NEO1: variants seen among roughly 807,000 people sequenced by gnomAD.
The protein encoded by NEO1 is neogenin 1, also known as neogenin.
A neutral mutation model predicts 159.7 loss-of-function variants in NEO1; 63 were observed. That is an observed-to-expected ratio of 0.39 (90% CI 0.32 to 0.49). The LOEUF is 0.49. Ranked by LOEUF, NEO1 falls within the 20% of genes least tolerant of loss-of-function variation. The probability of loss-of-function intolerance (pLI) is 0.85; values close to 1 mark genes in which losing one functional copy is unlikely to be tolerated. For missense variants in NEO1, 1,615 were observed against 1,831.0 expected, an observed-to-expected ratio of 0.88 and a Z score of 2.15; for synonymous variants, 633 against 662.0, an observed-to-expected ratio of 0.96 and a Z score of 0.67.
intron 5 of NEO1, among the ~76,000 whole-genome samples, chr15:73,174,095 A>G (rs539131356): frequency 4.4e-5 from 2 of 45,040 alleles, no homozygotes; most frequent in East Asian, 1.4e-3. Flanking sequence ...GCGAGACTCC[A>G]TCTCAAAAAA....
chr15:73,110,993 A>C (rs1213870086), intron 1 of NEO1, among the ~76,000 whole-genome samples: 1 of 152,180 alleles, frequency 6.6e-6, no homozygotes, highest in Non-Finnish European at 1.5e-5. Context: ...TTACTGAAAA[A>C]AAAGATAAGA....
intron 1 of NEO1, among the ~76,000 whole-genome samples, chr15:73,081,209 A>G (rs2069027568): frequency 6.6e-6 from 1 of 151,518 alleles, no homozygotes; most frequent in African/African-American, 2.4e-5. Flanking sequence ...ATTTTTTTCT[A>G]CCTTTTCATT....
chr15:73,148,826 T>G (rs1019732480), intron 5 of NEO1, among the ~76,000 whole-genome samples: 1 of 152,000 alleles, frequency 6.6e-6, no homozygotes, highest in African/African-American at 2.4e-5. Context: ...TCTCTTAGGT[T>G]GAAATCATAT....
At chr15:73,161,762 A>G (rs550027770) in intron 5 of NEO1, 2 of 276,120 alleles carry the variant, frequency 7.2e-6, no homozygotes, top group East Asian at 1.9e-4. Context: ...AAAACTGCTT[A>G]AACTATTTTC....
chr15:73,159,877 A>G (rs1365648279), intron 5 of NEO1, among the ~76,000 whole-genome samples: 1 of 152,200 alleles, frequency 6.6e-6, no homozygotes, highest in East Asian at 1.9e-4. Context: ...GTATCAATTT[A>G]TATCATCACC....
intron 5 of NEO1, among the ~76,000 whole-genome samples, chr15:73,155,015 G>T (rs2033673137): frequency 6.9e-6 from 1 of 145,206 alleles, no homozygotes; most frequent in African/African-American, 2.6e-5. Flanking sequence ...TAAAGTCTTT[G>T]TGTTTTTTTT....
chr15:73,280,867 G>A (rs1002188852), intron 22 of NEO1, among the ~76,000 whole-genome samples: 6 of 151,976 alleles, frequency 3.9e-5, no homozygotes, highest in South Asian at 2.1e-4. Flanking sequence ...CAGTTAATCC[G>A]GCGTTGTGGA....
At chr15:73,072,718 G>T (rs2068594142) in intron 1 of NEO1, among the ~76,000 whole-genome samples, 1 of 152,126 alleles carries the variant, frequency 6.6e-6, no homozygotes. Flanking sequence ...GCATGGAGGT[G>T]GGGTTGTGGT....
intron 15 of NEO1, among the ~76,000 whole-genome samples, chr15:73,262,958 A>C (rs1330651500): frequency 1.3e-5 from 2 of 152,146 alleles, no homozygotes; most frequent in Non-Finnish European, 2.9e-5. Flanking sequence ...TATTTTGTGA[A>C]TTACAAAATA....
chr15:73,263,189 A>ATT (rs2040707273), intron 15 of NEO1, among the ~76,000 whole-genome samples: 1 of 126,834 alleles, frequency 7.9e-6, no homozygotes, highest in South Asian at 2.6e-4. Context: ...CTCATAGTTG[A>ATT]CTTTTTTTTT....
chr15:73,231,042 G>T (rs898810200), intron 7 of NEO1, among the ~76,000 whole-genome samples: 4 of 151,734 alleles, frequency 2.6e-5, no homozygotes, highest in African/African-American at 7.3e-5. Flanking sequence ...GGGCTTTTTT[G>T]TTAGATATGT....
chr15:73,283,416 G>A (rs1259732760), intron 23 of NEO1, among the ~76,000 whole-genome samples: 1 of 152,246 alleles, frequency 6.6e-6, no homozygotes, highest in African/African-American at 2.4e-5. Flanking sequence ...CCTTGGGCCT[G>A]AAAGGGCAAG....
intron 28 of NEO1, 85 bp from the exon 29 acceptor site, chr15:73,302,528 A>G: frequency 8.0e-7 from 1 of 1,243,824 alleles, no homozygotes. Flanking sequence ...ACTACTGACC[A>G]CATGAGGCTT....
intron 4 of NEO1, 48 bp from the exon 5 acceptor site, chr15:73,135,843 T>C: frequency 7.0e-7 from 1 of 1,435,800 alleles, no homozygotes; most frequent in South Asian, 1.5e-5. Flanking sequence ...AGGTATTATT[T>C]TCCTAGTACT....
intron 5 of NEO1, among the ~76,000 whole-genome samples, chr15:73,142,002 C>T (rs1340092000): frequency 6.6e-6 from 1 of 152,104 alleles, no homozygotes; most frequent in Non-Finnish European, 1.5e-5. Context: ...AGCTCTGTCT[C>T]TTAGCTTTGT....
At chr15:73,299,002 C>T (rs1018199664) in intron 27 of NEO1, among the ~76,000 whole-genome samples, 1 of 152,148 alleles carries the variant, frequency 6.6e-6, no homozygotes, top group South Asian at 2.1e-4. Flanking sequence ...AAGGCTTGGA[C>T]TCATAGGGTG....
rs2038970997 is a variant in NEO1, at chr15:73,232,640, T to C, written c.1292-3707T>C. On this transcript the variant is annotated intron_variant, in intron 7 of 28. Transcript: ENST00000261908. The stretch of plus-strand genomic sequence containing the variant: ...CATGGCCTTCAGTCAACCTAGGATA[T>C]GTGCAGAGGTTACCAAGCCTTCTCA... Among the ~76,000 whole-genome samples the C allele has an allele frequency of 2.0e-5, 3 of 152,164 alleles. No individual in the cohort carries two copies. The South Asian group carries it at 6.2e-4, about 31-fold the overall frequency.
At chr15:73,225,213 G>A (rs2038509774) in intron 7 of NEO1, among the ~76,000 whole-genome samples, 1 of 152,124 alleles carries the variant, frequency 6.6e-6, no homozygotes, top group African/African-American at 2.4e-5. Flanking sequence ...GGTGGCAGGG[G>A]GGTGAAATGG....
intron 1 of NEO1, among the ~76,000 whole-genome samples, chr15:73,054,791 A>G (rs923890422): frequency 6.6e-6 from 1 of 152,236 alleles, no homozygotes; most frequent in Non-Finnish European, 1.5e-5. Context: ...CAGTTCTGCC[A>G]TAAAACTGCG....
Sources: gnomAD v4.1 joint callset for allele counts (sites outside exome capture counted in the v4.1 genomes callset) on GRCh38, gnomAD v4.1.1 for gene constraint, MANE v1.5 for transcripts, NCBI Gene and HGNC (gene_info 2026-07-23, HGNC 2026-07-21) for gene names.